Variants in KIAA1217 observed in about 807,000 individuals in gnomAD.
The protein encoded by KIAA1217 is KIAA1217.
KIAA1217 carries 88 observed loss-of-function variants against 163.9 expected under a neutral mutation model. That is an observed-to-expected ratio of 0.54 (90% CI 0.45 to 0.64). KIAA1217 has a LOEUF of 0.64. Ranked by LOEUF, KIAA1217 falls within the 30% of genes least tolerant of loss-of-function variation. The pLI, the probability that KIAA1217 is intolerant of heterozygous loss-of-function variation, is 0.00. For synonymous variants in KIAA1217, 903 were observed against 923.1 expected, an observed-to-expected ratio of 0.98 and a Z score of 0.39; for missense variants, 2,372 against 2,475.0, an observed-to-expected ratio of 0.96 and a Z score of 0.88.
chr10:23,727,694 C>T (rs554201123), intron 1 of KIAA1217, among the ~76,000 whole-genome samples: 7 of 152,194 alleles, frequency 4.6e-5, no homozygotes, highest in African/African-American at 1.7e-4. Flanking sequence ...ATGTGCAGAA[C>T]GTGCAGTTTT....
At chr10:24,446,978 G>C (rs2060987377) in intron 5 of KIAA1217, among the ~76,000 whole-genome samples, 1 of 152,042 alleles carries the variant, frequency 6.6e-6, no homozygotes, top group Non-Finnish European at 1.5e-5. Flanking sequence ...GTGTGTCGAT[G>C]AGTCATCGCC....
chr10:24,449,643 GCT>G (rs1216440482), intron 5 of KIAA1217: 5 of 985,196 alleles, frequency 5.1e-6, no homozygotes, highest in Non-Finnish European at 6.0e-6. Context: ...AAAACCCAAG[GCT>G]TGCATTTAGT....
chr10:23,879,768 G>A (rs1200159229), intron 1 of KIAA1217, among the ~76,000 whole-genome samples: 3 of 151,874 alleles, frequency 2.0e-5, no homozygotes, highest in Admixed American at 2.0e-4. Flanking sequence ...TTTTAAGATG[G>A]TAAAAAGAGT....
intron 2 of KIAA1217, among the ~76,000 whole-genome samples, chr10:24,174,805 G>A (rs1307712471): frequency 6.6e-6 from 1 of 152,006 alleles, no homozygotes; most frequent in Non-Finnish European, 1.5e-5. Flanking sequence ...GTGATATTTT[G>A]GTGCACCCAT....
At chr10:24,052,674 G>A (rs996637557) in intron 2 of KIAA1217, among the ~76,000 whole-genome samples, 5 of 152,062 alleles carry the variant, frequency 3.3e-5, no homozygotes, top group East Asian at 1.9e-4. Flanking sequence ...TTAAGCAATC[G>A]GAACTTGGCC....
At chr10:23,928,100 G>A (rs2131305399) in intron 1 of KIAA1217, among the ~76,000 whole-genome samples, 1 of 152,284 alleles carries the variant, frequency 6.6e-6, no homozygotes, top group Non-Finnish European at 1.5e-5. Context: ...CTGTAGGCTT[G>A]GCTGGCTTTT....
Position 24,531,866 on chromosome 10 carries a change from TG to T in KIAA1217, c.3125del (p.Gly1042GlufsTer92). The T allele has an allele frequency of 1.2e-6, 2 of 1,607,840 alleles. No homozygotes were observed. The highest frequency in any genetic ancestry group is 1.7e-6 in the Non-Finnish European group (2 of 1,176,432). On this transcript the variant is annotated frameshift_variant, in exon 15 of 21. Transcript: ENST00000376454. LOFTEE classifies it high-confidence loss of function. ...AATTCGGAACAGGACTTGGAAAAGCTGGGGGGAAAGTCGCCCCCTCCTCCTC... is the reference window on the plus strand; with the variant it reads ...AATTCGGAACAGGACTTGGAAAAGCTGGGGGAAAGTCGCCCCCTCCTCCTC... ...SPNSEQDLEKLGGKSPPPPPP... is the reference protein window; with the variant it reads ...SPNSEQDLEKXGGKSPPPPPP...
At chr10:23,960,324 T>A (rs748763123) in intron 1 of KIAA1217, among the ~76,000 whole-genome samples, 1 of 150,668 alleles carries the variant, frequency 6.6e-6, no homozygotes, top group Non-Finnish European at 1.5e-5. Flanking sequence ...AGTGGTGAGA[T>A]CTCGGCTTAC....
chr10:24,126,052 C>T (rs1204017786), intron 2 of KIAA1217, among the ~76,000 whole-genome samples: 1 of 152,090 alleles, frequency 6.6e-6, no homozygotes, highest in Admixed American at 6.6e-5. Context: ...TCCTCCTTGT[C>T]TCAAAGTAAC....
At chr10:23,951,517 G>A (rs1261191920) in intron 1 of KIAA1217, among the ~76,000 whole-genome samples, 1 of 152,128 alleles carries the variant, frequency 6.6e-6, no homozygotes, top group Non-Finnish European at 1.5e-5. Context: ...TGCCAGCATG[G>A]TGGTGCACAC....
At position 24,545,007 on chromosome 10, in the gene KIAA1217, C is replaced by G; in HGVS notation, c.5238C>G (p.Ser1746Arg). The G allele has an allele frequency of 6.2e-7, 1 of 1,614,144 alleles. No individual in the cohort carries two copies. Among genetic ancestry groups the G allele is most frequent in the Non-Finnish European group, 8.5e-7 (1 of 1,180,002 alleles). Residue 1746 changes from serine (S) to arginine (R), a missense_variant, in exon 20 of 21, where the codon AGC (serine) becomes AGG (arginine). Physicochemically the swap from Ser to Arg is moderately radical, Grantham distance 110 (BLOSUM62 -1). Around this residue, in one of 3 missense-constraint regions of KIAA1217, gnomAD observed 690 missense variants for 677.5 expected, o/e 1.02. Transcript: ENST00000376454. ...GCTCCAGCGGGGCCCCACAGACGAGCAGGATGCCTGTCCCCATGAGTGCCA... is the reference window on the plus strand; with the variant it reads ...GCTCCAGCGGGGCCCCACAGACGAGGAGGATGCCTGTCCCCATGAGTGCCA... The part of the protein sequence containing the change: ...RKGSSGAPQT[S>R]RMPVPMSAKN...
chr10:24,002,039 G>T (rs1227800429), intron 1 of KIAA1217, among the ~76,000 whole-genome samples: 3 of 152,162 alleles, frequency 2.0e-5, no homozygotes, highest in Admixed American at 6.5e-5. Context: ...TCCCTATGGG[G>T]TCTGTGATAG....
chr10:24,435,682 T>C (rs1474701466), intron 4 of KIAA1217, among the ~76,000 whole-genome samples: 3 of 152,136 alleles, frequency 2.0e-5, no homozygotes, highest in African/African-American at 7.2e-5. Context: ...TTTTACATTG[T>C]TTGGGAAAGT....
chr10:23,755,912 C>A (rs546091750), intron 1 of KIAA1217, among the ~76,000 whole-genome samples: 1 of 151,838 alleles, frequency 6.6e-6, no homozygotes, highest in African/African-American at 2.4e-5. Flanking sequence ...TAACCAATAC[C>A]TTTGGTTATT....
At chr10:24,542,809 A>C (rs774157663) in intron 18 of KIAA1217, 39 bp downstream of exon 18, 1 of 1,611,946 alleles carries the variant, frequency 6.2e-7, no homozygotes, top group Non-Finnish European at 8.5e-7. Context: ...AATACCATGC[A>C]CATTAAGTAC....
intron 2 of KIAA1217, among the ~76,000 whole-genome samples, chr10:24,247,228 G>A (rs2073924998): frequency 6.7e-6 from 1 of 149,284 alleles, no homozygotes; most frequent in Non-Finnish European, 1.5e-5. Context: ...GTAAACTTGT[G>A]TCATGGGGCT....
chr10:23,707,109 A>C (rs1289623497), intron 1 of KIAA1217, among the ~76,000 whole-genome samples: 1 of 152,250 alleles, frequency 6.6e-6, no homozygotes, highest in South Asian at 2.1e-4. Flanking sequence ...CTATGAGAAC[A>C]TATAGGTTAA....
chr10:23,868,106 A>G (rs920046996), intron 1 of KIAA1217, among the ~76,000 whole-genome samples: 1 of 151,864 alleles, frequency 6.6e-6, no homozygotes, highest in Non-Finnish European at 1.5e-5. Context: ...CGGCCATACC[A>G]CCCTGAATGC....
intron 1 of KIAA1217, among the ~76,000 whole-genome samples, chr10:23,699,103 C>A (rs1225920228): frequency 2.0e-5 from 3 of 152,212 alleles, no homozygotes; most frequent in African/African-American, 7.2e-5. Context: ...TCTCTGAGAG[C>A]GGTCTCCCAT....
Sources: gnomAD v4.1 joint callset for allele counts (sites outside exome capture counted in the v4.1 genomes callset) on GRCh38, gnomAD v4.1.1 for gene constraint, gnomAD v4.1.1 regional missense constraint, MANE v1.5 for transcripts, NCBI Gene and HGNC (gene_info 2026-07-23, HGNC 2026-07-21) for gene names.